NAA25: variants seen among roughly 807,000 people sequenced by gnomAD.
NAA25 encodes the protein N-terminal acetyltransferase B complex subunit NAA25.
Under a neutral mutation model 132.5 loss-of-function variants are expected in NAA25, and 30 were observed. The ratio of observed to expected loss-of-function variants is 0.23; its 90% CI spans 0.17 to 0.31. NAA25 has a LOEUF of 0.31. Ranked by LOEUF, NAA25 falls within the 10% of genes least tolerant of loss-of-function variation. NAA25 has a pLI of 1.00. For synonymous variants in NAA25, 359 were observed against 401.9 expected, an observed-to-expected ratio of 0.89 and a Z score of 1.28; for missense variants, 771 against 1,150.4, an observed-to-expected ratio of 0.67 and a Z score of 4.77.
intron 23 of NAA25, among the ~76,000 whole-genome samples, chr12:112,030,496 T>C (rs547253350): frequency 1.3e-5 from 2 of 152,314 alleles, no homozygotes; most frequent in African/African-American, 4.8e-5. Flanking sequence ...CTCCTCCATA[T>C]TGACAAAGCC....
At chr12:112,077,807 T>C (rs2078915307) in intron 7 of NAA25, among the ~76,000 whole-genome samples, 1 of 152,018 alleles carries the variant, frequency 6.6e-6, no homozygotes, top group African/African-American at 2.4e-5. Flanking sequence ...AAAATTTTTT[T>C]TAAATAAAAA....
intron 13 of NAA25, among the ~76,000 whole-genome samples, chr12:112,056,384 TTAAC>T (rs904881481): frequency 1.3e-5 from 2 of 151,456 alleles, no homozygotes; most frequent in African/African-American, 2.4e-5. Context: ...AAATTTAAAA[TTAAC>T]TAAATAAATA....
intron 22 of NAA25, 98 bp downstream of exon 22, chr12:112,039,131 T>A (rs1161582927): frequency 1.6e-6 from 1 of 625,112 alleles, no homozygotes; most frequent in East Asian, 3.1e-5. Context: ...GCTTGGCATA[T>A]AGGATCCTAA....
At chr12:112,063,389 C>T (rs2078666203) in intron 11 of NAA25, among the ~76,000 whole-genome samples, 1 of 152,148 alleles carries the variant, frequency 6.6e-6, no homozygotes, top group East Asian at 1.9e-4. Flanking sequence ...AGTAGAACAG[C>T]CTGGGTTTTA....
At chr12:112,043,308 C>A in intron 18 of NAA25, 97 bp from the exon 19 acceptor site, 1 of 1,311,384 alleles carries the variant, frequency 7.6e-7, no homozygotes, top group Non-Finnish European at 1.0e-6. Context: ...CCTGTCTCAG[C>A]GGTTCAGCTA....
intron 20 of NAA25, 52 bp from the exon 21 acceptor site, chr12:112,040,630 TTA>T (rs777836788): frequency 2.1e-6 from 2 of 930,820 alleles, no homozygotes; most frequent in East Asian, 4.9e-5. Context: ...CAATGCTATT[TTA>T]AGGAACACAA....
chr12:112,047,749 C>T lies in NAA25; in HGVS notation c.1922G>A (p.Arg641Lys). The T allele has an allele frequency of 6.2e-7, 1 of 1,613,684 alleles. No individual in the cohort carries two copies. The highest frequency in any genetic ancestry group is 8.5e-7 in the Non-Finnish European group (1 of 1,179,788). Residue 641 changes from arginine to lysine, a missense_variant, in exon 17 of 24, where the codon AGG becomes AAG. Transcript: ENST00000261745. ...CCATGGAATGTCATCTTCTTCTGGC[C>T]TAAGGTTCATTGACTTTATACTTTC... is the stretch of plus-strand genomic sequence containing the variant. ...LAESIKSMNL[R>K]PEEDDIPWED... is the part of the protein sequence containing the mutation.
In NAA25 at chr12:112,088,336, T is replaced by TTC. The variant is rs1555239267; in HGVS notation, c.284-536_284-535insGA. ...ATTGTAGTTTTTTTTTTTTTTTTTTTTTTTTTTGGAGATAGGTTCTCACTC... is the reference window on the plus strand; with the variant it reads ...ATTGTAGTTTTTTTTTTTTTTTTTTTTCTTTTTTTGGAGATAGGTTCTCACTC... On this transcript the variant is annotated intron_variant, in intron 3 of 23. Coordinates refer to ENST00000261745, the MANE Select transcript of NAA25 (RefSeq NM_024953.4). Among the ~76,000 whole-genome samples the TTC allele has an allele frequency of 1.9e-3, 275 of 144,812 alleles. 3 individuals are homozygous for TTC. Among genetic ancestry groups the TTC allele is most frequent in the African/African-American group, 6.8e-3 (266 of 38,936 alleles).
intron 4 of NAA25, among the ~76,000 whole-genome samples, chr12:112,083,018 T>TA (rs2078995279): frequency 6.6e-6 from 1 of 151,924 alleles, no homozygotes; most frequent in Non-Finnish European, 1.5e-5. Flanking sequence ...TGTAAGGTAT[T>TA]AAAAAAGGAG....
At chr12:112,097,495 T>G (rs2079229776) in intron 1 of NAA25, 1 of 151,102 alleles carries the variant, frequency 6.6e-6, no homozygotes, top group East Asian at 2.0e-4. Context: ...TAGTCCCAGC[T>G]ACTCGGGAGG....
intron 17 of NAA25, among the ~76,000 whole-genome samples, chr12:112,044,653 G>C (rs2078351732): frequency 6.6e-6 from 1 of 151,290 alleles, no homozygotes; most frequent in African/African-American, 2.4e-5. Context: ...CTGGGCGACA[G>C]AGCAAGACTC....
At chr12:112,080,448 G>T (rs529290213) in intron 5 of NAA25, among the ~76,000 whole-genome samples, 1 of 152,140 alleles carries the variant, frequency 6.6e-6, no homozygotes, top group South Asian at 2.1e-4. Context: ...GAGGCAGAAG[G>T]ATTGCTTGAG....
chr12:112,036,184 C>T (rs921664973), intron 22 of NAA25, among the ~76,000 whole-genome samples: 9 of 151,788 alleles, frequency 5.9e-5, no homozygotes, highest in Admixed American at 1.3e-4. Context: ...TGGGGAGAGC[C>T]CTAAAACTGA....
intron 22 of NAA25, among the ~76,000 whole-genome samples, chr12:112,038,841 T>G (rs560712684): frequency 6.6e-6 from 1 of 152,104 alleles, no homozygotes; most frequent in Admixed American, 6.5e-5. Flanking sequence ...TAGCCGGGTG[T>G]GGTGGCAGGC....
chr12:112,107,454 G>A (rs1035387378), intron 1 of NAA25, among the ~76,000 whole-genome samples: 1 of 151,702 alleles, frequency 6.6e-6, no homozygotes, highest in Non-Finnish European at 1.5e-5. Context: ...CTTGAGAATG[G>A]GTGAAGATTA....
chr12:112,070,639 G>A (rs962113589), intron 10 of NAA25, among the ~76,000 whole-genome samples: 3 of 152,022 alleles, frequency 2.0e-5, no homozygotes. Context: ...GTGCGGTGGC[G>A]CGATCTTGGC....
intron 8 of NAA25, among the ~76,000 whole-genome samples, chr12:112,075,008 T>C (rs1485914130): frequency 1.3e-5 from 2 of 152,090 alleles, no homozygotes. Flanking sequence ...TCTAGAAAAC[T>C]AATATTCATA....
In NAA25 at chr12:112,052,417, G is replaced by A. The variant is rs143856054; in HGVS notation, c.1728+1141C>T. Among the ~76,000 whole-genome samples, 708 of 152,202 alleles carry A rather than the reference G, an allele frequency of 4.7e-3. 7 individuals are homozygous for A. The highest frequency in any genetic ancestry group is 0.016 in the African/African-American group (647 of 41,546). ...TACCAATCACTGCAGAGGTTAAGGG[G>A]GCCACTTTGGGGAGGGGATACAGGA... is the stretch of plus-strand genomic sequence containing the variant. On this transcript the variant is annotated intron_variant, in intron 15 of 23. Coordinates refer to ENST00000261745, the MANE Select transcript of NAA25 (RefSeq NM_024953.4).
chr12:112,043,279 G>A, intron 18 of NAA25, 68 bp from the exon 19 acceptor site: 1 of 1,478,712 alleles, frequency 6.8e-7, no homozygotes, highest in East Asian at 2.3e-5. Flanking sequence ...AAGAAAATCA[G>A]GTAACTAGTA....
Sources: allele counts gnomAD v4.1 joint callset (sites outside exome capture counted in the v4.1 genomes callset), GRCh38; gene constraint gnomAD v4.1.1; transcripts MANE v1.5; gene names NCBI Gene and HGNC (gene_info 2026-07-23, HGNC 2026-07-21).